DHX32: variants seen among roughly 807,000 people sequenced by gnomAD.
The protein encoded by DHX32 is DEAH-box helicase 32 (putative).
Under a neutral mutation model 70.0 loss-of-function variants are expected in DHX32, and 51 were observed. The ratio of observed to expected loss-of-function variants is 0.73; its 90% CI spans 0.58 to 0.92. The LOEUF is 0.92. DHX32 is among the 40% of genes least tolerant of loss of function. The probability of loss-of-function intolerance (pLI) is 0.00; values close to 1 mark genes in which losing one functional copy is unlikely to be tolerated. For missense variants in DHX32, 762 were observed against 891.8 expected (o/e 0.85, Z 1.85); for synonymous variants, 310 against 315.3 (o/e 0.98, Z 0.18).
chr10:125,866,445 A>G lies in DHX32; in HGVS notation c.476+545T>C, dbSNP rs1468615762. On this transcript the variant is annotated intron_variant, in intron 2 of 10. Coordinates refer to ENST00000284690, the MANE Select transcript of DHX32 (RefSeq NM_018180.3). This position sits in a 1 kb window ranked among gnomAD's most constrained non-coding sequence, Gnocchi z 4.8. ...TTTGAGAAACACTGTCGAAGCTGCT[A>G]TGATGCAGGCTGACACCAAGTTTTC... 6.6e-6 allele frequency among the ~76,000 whole-genome samples: 1 copy of G among 152,244 alleles called. No homozygotes were observed. Among genetic ancestry groups the G allele is most frequent in the Non-Finnish European group, 1.5e-5 (1 of 68,042 alleles).
At chr10:125,853,887 A>T in intron 4 of DHX32, 74 bp downstream of exon 4, 3 of 1,536,676 alleles carry the variant, frequency 2.0e-6, no homozygotes, top group Middle Eastern at 1.7e-4. Context: ...CCTGATCAGT[A>T]AAATGGTAGG....
At chr10:125,845,537 G>A (rs1248832805) in intron 6 of DHX32, among the ~76,000 whole-genome samples, 1 of 151,992 alleles carries the variant, frequency 6.6e-6, no homozygotes, top group Non-Finnish European at 1.5e-5. Flanking sequence ...GGATAGGGCA[G>A]GGGGTCTCCT....
chr10:125,878,361 T>G (rs1167126654), intron 1 of DHX32, among the ~76,000 whole-genome samples: 1 of 152,198 alleles, frequency 6.6e-6, no homozygotes, highest in Non-Finnish European at 1.5e-5. Context: ...GACATCGACT[T>G]ACATCTTCAT....
At chr10:125,883,208 C>T (rs1402074014), upstream of DHX32, among the ~76,000 whole-genome samples, 1 of 152,174 alleles carries the variant, frequency 6.6e-6, no homozygotes, top group Non-Finnish European at 1.5e-5. Flanking sequence ...CTTCATCACA[C>T]ATTGTGCAAT....
At chr10:125,883,693 G>A (rs904657633), upstream of DHX32, among the ~76,000 whole-genome samples, 3 of 152,192 alleles carry the variant, frequency 2.0e-5, no homozygotes, top group Non-Finnish European at 4.4e-5. Flanking sequence ...GTTGCAGGGT[G>A]GTTTGACTTG....
Position 125,880,808 on chromosome 10 carries a change from A to G in DHX32, c.17T>C (p.Leu6Pro), listed in dbSNP as rs1196354479. 9.3e-6 allele frequency: 15 copies of G among 1,611,180 alleles called. No homozygotes were observed. The highest frequency in any genetic ancestry group is 1.3e-5 in the Non-Finnish European group (15 of 1,179,046). The change falls in exon 1 of 11, where the codon CTG (leucine) becomes CCG (proline). Residue 6 changes from leucine to proline, a missense_variant. Physicochemically the swap from Leu to Pro is moderately conservative, Grantham distance 98. Coordinates refer to ENST00000284690, the MANE Select transcript of DHX32 (RefSeq NM_018180.3). Reference sequence around the variant, plus strand: ...TTCAGAGGAAGAGTTTGGACACTCCAGCCCTTCTTCTTCCATCTTGTCTGA... The same window carrying G: ...TTCAGAGGAAGAGTTTGGACACTCCGGCCCTTCTTCTTCCATCTTGTCTGA... MEEEG[L>P]ECPNSSSEKR...
intron 1 of DHX32, among the ~76,000 whole-genome samples, chr10:125,870,299 G>C (rs550949164): frequency 8.5e-5 from 13 of 152,244 alleles, no homozygotes; most frequent in African/African-American, 3.1e-4. Flanking sequence ...CAGAATTTCA[G>C]TACTGAAAGA....
rs765969155 is a variant in DHX32 at position 125,840,840 on chromosome 10, C to T, written c.1693+7G>A. On this transcript the variant is annotated splice_region_variant and intron_variant, in intron 8 of 10. Coordinates refer to ENST00000284690, the MANE Select transcript of DHX32 (RefSeq NM_018180.3). ...AATTAATAGGTAGTTTCTGAGCATT[C>T]ACTTACACTCACTGCTAGAATTCAG... 24 of 1,576,844 alleles carry T rather than the reference C, an allele frequency of 1.5e-5. No homozygotes were observed. The African/African-American group carries it at 3.3e-4, about 21-fold the overall frequency.
chr10:125,895,352 C>A (rs1437991857), intron 1 of DHX32, among the ~76,000 whole-genome samples: 2 of 152,252 alleles, frequency 1.3e-5, no homozygotes, highest in Non-Finnish European at 2.9e-5. Context: ...CTGTCTGGAG[C>A]AGCGGTTGGA....
intron 1 of DHX32, among the ~76,000 whole-genome samples, chr10:125,867,571 C>T (rs1484219055): frequency 2.0e-5 from 3 of 152,036 alleles, no homozygotes; most frequent in Non-Finnish European, 4.4e-5. Flanking sequence ...CCCGTCTCTA[C>T]TTAAAATACA....
intron 6 of DHX32, among the ~76,000 whole-genome samples, chr10:125,852,002 C>G (rs78335973): frequency 2.3e-3 from 344 of 151,958 alleles, no homozygotes; most frequent in Admixed American, 4.2e-3. Flanking sequence ...TTCACCCTTA[C>G]GCTTCCATAC....
intron 3 of DHX32, among the ~76,000 whole-genome samples, chr10:125,856,695 C>G (rs1309069328): frequency 1.3e-5 from 2 of 152,104 alleles, no homozygotes; most frequent in East Asian, 1.9e-4. Flanking sequence ...CCTATAATCC[C>G]AGCACTTTGG....
intron 6 of DHX32, among the ~76,000 whole-genome samples, chr10:125,845,728 A>G (rs909499334): frequency 1.3e-5 from 2 of 152,244 alleles, no homozygotes; most frequent in African/African-American, 4.8e-5. Context: ...CTCCCTGCCC[A>G]CTGGCGGGAG....
chr10:125,869,655 G>A (rs1944244567), intron 1 of DHX32: 1 of 152,190 alleles, frequency 6.6e-6, no homozygotes, highest in African/African-American at 2.4e-5. Flanking sequence ...CTGGGCTCAA[G>A]TGATCCTTTT....
At chr10:125,856,711 C>T (rs1367382431) in intron 3 of DHX32, among the ~76,000 whole-genome samples, 2 of 151,850 alleles carry the variant, frequency 1.3e-5, no homozygotes, top group South Asian at 2.1e-4. Context: ...TTTGGGAGGC[C>T]AAGACAGGAG....
chr10:125,888,863 C>G (rs1944354350), intron 1 of DHX32, among the ~76,000 whole-genome samples: 1 of 152,310 alleles, frequency 6.6e-6, no homozygotes. Context: ...AGTTCAAGAT[C>G]TGCCTGGCCA....
intron 1 of DHX32, among the ~76,000 whole-genome samples, chr10:125,895,126 G>C (rs952592878): frequency 6.6e-6 from 1 of 152,216 alleles, no homozygotes; most frequent in African/African-American, 2.4e-5. Flanking sequence ...TAGTCTGAGA[G>C]GGGGAAAACC....
intron 4 of DHX32, 77 bp from the exon 5 acceptor site, chr10:125,852,719 G>T: frequency 1.5e-6 from 2 of 1,302,796 alleles, no homozygotes; most frequent in South Asian, 1.4e-5. Context: ...AAGAGAATAT[G>T]CTGCGCAGTA....
intron 1 of DHX32, among the ~76,000 whole-genome samples, chr10:125,888,467 A>T (rs1166040500): frequency 6.6e-6 from 1 of 152,092 alleles, no homozygotes; most frequent in Non-Finnish European, 1.5e-5. Context: ...TTTAACCAAA[A>T]CTTTATAAAT....
Sources: gnomAD v4.1 joint callset for allele counts (sites outside exome capture counted in the v4.1 genomes callset) on GRCh38, gnomAD v4.1.1 for gene constraint, Gnocchi (gnomAD v3.1) non-coding constraint, MANE v1.5 for transcripts, NCBI Gene and HGNC (gene_info 2026-07-23, HGNC 2026-07-21) for gene names.